CLSTN2: variants seen among roughly 807,000 people sequenced by gnomAD.
The protein encoded by CLSTN2 is calsyntenin-2.
In CLSTN2, 48 loss-of-function variants were observed where a neutral mutation model predicts 101.2. The observed-to-expected ratio is 0.47, with a 90% CI of 0.38 to 0.60. The LOEUF is 0.60. CLSTN2 is among the 20% of genes least tolerant of loss of function. The pLI is 0.00. For synonymous variants in CLSTN2, 481 were observed against 463.6 expected, an observed-to-expected ratio of 1.04 and a Z score of -0.48; for missense variants, 1,160 against 1,238.2, an observed-to-expected ratio of 0.94 and a Z score of 0.95.
intron 2 of CLSTN2, among the ~76,000 whole-genome samples, chr3:140,377,251 A>G (rs1387922775): frequency 1.3e-5 from 2 of 152,260 alleles, no homozygotes; most frequent in African/African-American, 2.4e-5. Context: ...GTCATATAAA[A>G]GTATAGCACA....
chr3:140,165,939 G>A (rs1054121884), intron 1 of CLSTN2, among the ~76,000 whole-genome samples: 1 of 152,178 alleles, frequency 6.6e-6, no homozygotes, highest in Admixed American at 6.5e-5. Flanking sequence ...GAAGGCTGAT[G>A]AGTCTGTGAA....
At chr3:140,038,957 C>T (rs1177824473) in intron 1 of CLSTN2, among the ~76,000 whole-genome samples, 1 of 152,142 alleles carries the variant, frequency 6.6e-6, no homozygotes, top group Non-Finnish European at 1.5e-5. Context: ...ACTGACACAT[C>T]CCAGTGAGTT....
At chr3:140,087,982 G>T (rs891003837) in intron 1 of CLSTN2, among the ~76,000 whole-genome samples, 3 of 152,144 alleles carry the variant, frequency 2.0e-5, no homozygotes, top group African/African-American at 7.2e-5. Context: ...CCAGGTTAAG[G>T]AGTCTCGATT....
intron 2 of CLSTN2, among the ~76,000 whole-genome samples, chr3:140,203,581 C>T (rs937483786): frequency 2.8e-5 from 4 of 143,328 alleles, no homozygotes; most frequent in Admixed American, 7.6e-5. Flanking sequence ...TGCAATTTGG[C>T]GCATGGCCCG....
chr3:140,011,838 C>T (rs2007080670), intron 1 of CLSTN2, among the ~76,000 whole-genome samples: 2 of 151,888 alleles, frequency 1.3e-5, no homozygotes, highest in Admixed American at 1.3e-4. Flanking sequence ...GTCCCAGTGA[C>T]AGGCAGTGGG....
At chr3:140,001,080 A>C (rs143384261) in intron 1 of CLSTN2, among the ~76,000 whole-genome samples, 2 of 152,186 alleles carry the variant, frequency 1.3e-5, no homozygotes, top group Non-Finnish European at 2.9e-5. Flanking sequence ...CATATTGTAC[A>C]TGCGGAAATT....
At chr3:140,501,924 C>G (rs1344640369) in intron 8 of CLSTN2, among the ~76,000 whole-genome samples, 1 of 152,146 alleles carries the variant, frequency 6.6e-6, no homozygotes, top group Non-Finnish European at 1.5e-5. Flanking sequence ...GGTTCATGGC[C>G]CACAGTTCAA....
At chr3:140,385,174 C>G (rs2088035896) in intron 2 of CLSTN2, among the ~76,000 whole-genome samples, 1 of 152,068 alleles carries the variant, frequency 6.6e-6, no homozygotes, top group African/African-American at 2.4e-5. Context: ...GAAGACTAAG[C>G]AGTGTATCCA....
intron 2 of CLSTN2, among the ~76,000 whole-genome samples, chr3:140,224,514 C>T (rs998219459): frequency 1.3e-5 from 2 of 152,074 alleles, no homozygotes; most frequent in Admixed American, 1.3e-4. Flanking sequence ...TGTTCATGTG[C>T]GTGCAGGCTT....
intron 2 of CLSTN2, among the ~76,000 whole-genome samples, chr3:140,392,824 A>AT (rs201524860): frequency 4.0e-5 from 6 of 151,722 alleles, no homozygotes; most frequent in Non-Finnish European, 5.9e-5. Flanking sequence ...AAACTGGGTA[A>AT]TTTTTTTTAA....
At chr3:140,387,403 A>T (rs1379948441) in intron 2 of CLSTN2, among the ~76,000 whole-genome samples, 1 of 152,230 alleles carries the variant, frequency 6.6e-6, no homozygotes, top group African/African-American at 2.4e-5. Flanking sequence ...TGGTGGCTAT[A>T]ACAGCAGTTT....
intron 2 of CLSTN2, among the ~76,000 whole-genome samples, chr3:140,226,777 A>G (rs1330937757): frequency 3.3e-5 from 5 of 152,302 alleles, no homozygotes; most frequent in African/African-American, 9.6e-5. Context: ...AAGCCCCCCA[A>G]TCAAGGCAGA....
At chr3:140,071,832 AAAATAAAT>A (rs142873442) in intron 1 of CLSTN2, among the ~76,000 whole-genome samples, 7 of 149,738 alleles carry the variant, frequency 4.7e-5, no homozygotes, top group African/African-American at 1.0e-4. Context: ...CTCCGTCTAA[AAAATAAAT>A]AAATAAATAA....
chr3:140,351,933 A>G (rs1026971290), intron 2 of CLSTN2, among the ~76,000 whole-genome samples: 2 of 145,516 alleles, frequency 1.4e-5, no homozygotes, highest in Non-Finnish European at 2.9e-5. Flanking sequence ...TTAGTGATAC[A>G]GAGAAGGACA....
At chr3:140,259,873 G>C (rs149262576) in intron 2 of CLSTN2, among the ~76,000 whole-genome samples, 1 of 151,996 alleles carries the variant, frequency 6.6e-6, no homozygotes, top group Non-Finnish European at 1.5e-5. Flanking sequence ...GTTCATAGAT[G>C]AGGTGGTCTA....
In CLSTN2 at chr3:140,514,675, T is replaced by G. The variant is rs182792702; in HGVS notation, c.1345-17649T>G. ...TGGGATTGCTGGAACAAATGGTAGT[T>G]CTACTTTTAGTTCTTTGAGGGATCT... On this transcript the variant is annotated intron_variant, in intron 8 of 16. Transcript: ENST00000458420. Among the ~76,000 whole-genome samples, 4 of 152,304 alleles carry G rather than the reference T, an allele frequency of 2.6e-5. No individual in the cohort carries two copies. The East Asian group carries it at 7.7e-4, about 29-fold the overall frequency.
At chr3:139,957,790 G>T (rs1348381636) in intron 1 of CLSTN2, among the ~76,000 whole-genome samples, 1 of 152,178 alleles carries the variant, frequency 6.6e-6, no homozygotes, top group African/African-American at 2.4e-5. Flanking sequence ...GCTAAGACCA[G>T]CCTGTTTGCC....
Position 140,021,182 on chromosome 3 carries a change from T to G in CLSTN2, c.109+85699T>G, listed in dbSNP as rs78137269. ...GGGGGAAGCATCATTGCTAGCTACA[T>G]AGACCATCCCCATCCTCCTAAGTGC... On this transcript the variant is annotated intron_variant, in intron 1 of 16. Coordinates refer to ENST00000458420, the MANE Select transcript of CLSTN2 (RefSeq NM_022131.3). Among the ~76,000 whole-genome samples the G allele has an allele frequency of 1.4e-3, 207 of 152,272 alleles. 1 individual carries two copies. The highest frequency in any genetic ancestry group is 4.8e-3 in the African/African-American group (200 of 41,552).
At chr3:140,309,631 C>T (rs2087146104) in intron 2 of CLSTN2, among the ~76,000 whole-genome samples, 1 of 152,076 alleles carries the variant, frequency 6.6e-6, no homozygotes, top group Admixed American at 6.5e-5. Flanking sequence ...AGCAGGGTCC[C>T]TCAGTGATCA....
Sources: allele counts gnomAD v4.1 joint callset (sites outside exome capture counted in the v4.1 genomes callset), GRCh38; gene constraint gnomAD v4.1.1; transcripts MANE v1.5; gene names NCBI Gene and HGNC (gene_info 2026-07-23, HGNC 2026-07-21).